Variants in AP1M1 observed in about 807,000 individuals in gnomAD.
AP1M1 encodes AP-1 complex subunit mu-1.
In AP1M1, 18 loss-of-function variants were observed where a neutral mutation model predicts 57.1. The ratio of observed to expected loss-of-function variants is 0.32; its 90% CI spans 0.22 to 0.47. The LOEUF is 0.47. AP1M1 is among the 20% of genes least tolerant of loss of function. The pLI, the probability that AP1M1 is intolerant of heterozygous loss-of-function variation, is 1.00. For missense variants in AP1M1, 362 were observed against 593.5 expected, an observed-to-expected ratio of 0.61 and a Z score of 4.05; for synonymous variants, 241 against 237.9, an observed-to-expected ratio of 1.01 and a Z score of -0.12.
chr19:16,220,000 T>C (rs1013601876), intron 5 of AP1M1, among the ~76,000 whole-genome samples: 1 of 152,222 alleles, frequency 6.6e-6, no homozygotes, highest in African/African-American at 2.4e-5. Context: ...TCATAAGAGA[T>C]ACTGGTTTGT....
chr19:16,201,829 AG>A (rs2091449069), intron 1 of AP1M1, among the ~76,000 whole-genome samples: 1 of 152,220 alleles, frequency 6.6e-6, no homozygotes, highest in African/African-American at 2.4e-5. Flanking sequence ...AGGCTGGAGC[AG>A]AGTGAACCAG....
Position 16,239,194 on chromosome 19 carries a change from A to G in AP1M1, c.*4759A>G, listed in dbSNP as rs1391150359. On this transcript the variant is annotated 3_prime_UTR_variant, in exon 12 of 12. Coordinates refer to ENST00000291439, the MANE Select transcript of AP1M1 (RefSeq NM_032493.4). Reference sequence around the variant, plus strand: ...GTGATCCGCCCCCCTCACCTTCCCAAAGTGCTGGGATTACAGGCATGAGCC... The same window carrying G: ...GTGATCCGCCCCCCTCACCTTCCCAGAGTGCTGGGATTACAGGCATGAGCC... 7.1e-6 allele frequency: 1 copy of G among 140,284 alleles called. No individual in the cohort carries two copies. The highest frequency in any genetic ancestry group is 1.5e-5 in the Non-Finnish European group (1 of 66,214). 8.7% of individuals were successfully genotyped at this position (140,284 alleles called of 1,614,324 possible).
chr19:16,234,003 C>A, intron 10 of AP1M1, 196 bp from the exon 11 acceptor site: 1 of 605,746 alleles, frequency 1.7e-6, no homozygotes, highest in East Asian at 2.9e-5. Context: ...TGGCTGCTCA[C>A]CACTTCCAGA....
chr19:16,210,114 G>A (rs541601645), intron 5 of AP1M1, among the ~76,000 whole-genome samples: 36 of 152,246 alleles, frequency 2.4e-4, no homozygotes, highest in South Asian at 1.7e-3. Context: ...TATGAATGGC[G>A]TCATACAGTC....
chr19:16,201,785 A>C (rs2091448709), intron 1 of AP1M1, among the ~76,000 whole-genome samples: 1 of 152,192 alleles, frequency 6.6e-6, no homozygotes, highest in South Asian at 2.1e-4. Context: ...AGGTGGGAAC[A>C]GATGTGGATC....
chr19:16,202,122 G>C (rs529584939), intron 1 of AP1M1, among the ~76,000 whole-genome samples: 1 of 152,298 alleles, frequency 6.6e-6, no homozygotes, highest in Admixed American at 6.5e-5. Context: ...CACAGGCCAC[G>C]AAGCAGACAC....
chr19:16,220,968 T>G (rs1025549094), intron 5 of AP1M1, among the ~76,000 whole-genome samples: 2 of 152,258 alleles, frequency 1.3e-5, no homozygotes, highest in African/African-American at 4.8e-5. Context: ...TTTCCAGATT[T>G]TTCTTTGCCT....
In AP1M1 at chr19:16,236,297, A is replaced by G. The variant is rs986454572; in HGVS notation, c.*1862A>G. 3 of 152,316 alleles carry G rather than the reference A, an allele frequency of 2.0e-5. No individual in the cohort carries two copies. The highest frequency in any genetic ancestry group is 2.9e-5 in the Non-Finnish European group (2 of 68,110). 9.4% of individuals were successfully genotyped at this position (152,316 alleles called of 1,614,324 possible). A position where few individuals can be genotyped will look rare whatever the true frequency, so the allele number is the denominator to read the frequency against. ...AGAAGAGAGACTTCAGTTTCCAGCAACTTATCAGATAAGACCTGCAAACCC... is the reference window on the plus strand; with the variant it reads ...AGAAGAGAGACTTCAGTTTCCAGCAGCTTATCAGATAAGACCTGCAAACCC... On this transcript the variant is annotated 3_prime_UTR_variant, in exon 12 of 12. Transcript: ENST00000291439.
rs956392040 is a variant in AP1M1 at position 16,240,155 on chromosome 19, T to G, written c.*5720T>G. ...TAGGATATATGCAAATATTGTGCCA[T>G]TTTATATAAAAGACTTGAGCATCCT... On this transcript the variant is annotated 3_prime_UTR_variant, in exon 12 of 12. Transcript: ENST00000291439. 6.6e-6 allele frequency: 1 copy of G among 152,132 alleles called. No homozygotes were observed. The highest frequency in any genetic ancestry group is 1.5e-5 in the Non-Finnish European group (1 of 68,048). 9.4% of individuals were successfully genotyped at this position (152,132 alleles called of 1,614,324 possible). A position where few individuals can be genotyped will look rare whatever the true frequency, so the allele number is the denominator to read the frequency against.
rs1568351061 is a variant in AP1M1, at chr19:16,215,211, GA to G, written c.546+6035del. ...GGCTAAGGCGGGGGCGGGGGGGGGG[GA>G]GAGGGGGGAGGGGGGAGGGGAGGGG... On this transcript the variant is annotated intron_variant, in intron 5 of 11. Coordinates refer to ENST00000291439, the MANE Select transcript of AP1M1 (RefSeq NM_032493.4). Among the ~76,000 whole-genome samples the G allele has an allele frequency of 6.9e-3, 128 of 18,618 alleles. 1 individual carries two copies. Among genetic ancestry groups the G allele is most frequent in the Middle Eastern group, 0.029 (1 of 34 alleles). The allele number at this position is 18,618 out of a possible 152,430, so 12.2% of individuals were successfully genotyped here. A position where few individuals can be genotyped will look rare whatever the true frequency, so the allele number is the denominator to read the frequency against.
In AP1M1 at chr19:16,236,592, A is replaced by G. The variant is rs1490133034; in HGVS notation, c.*2157A>G. On this transcript the variant is annotated 3_prime_UTR_variant, in exon 12 of 12. Transcript: ENST00000291439. ...ATCCTCGAGGGTCATGATACTTAAC[A>G]GTAAAAAGATGGACTAGAAAAAACA... is the stretch of plus-strand genomic sequence containing the variant. 3 of 152,202 alleles carry G rather than the reference A, an allele frequency of 2.0e-5. No individual in the cohort carries two copies. The highest frequency in any genetic ancestry group is 7.2e-5 in the African/African-American group (3 of 41,438). 9.4% of individuals were successfully genotyped at this position (152,202 alleles called of 1,614,324 possible).
At chr19:16,215,212 AGAGG>A (rs2091513826) in intron 5 of AP1M1, among the ~76,000 whole-genome samples, 1 of 2,104 alleles carries the variant, frequency 4.8e-4, no homozygotes, top group Non-Finnish European at 1.5e-3. Flanking sequence ...GGGGGGGGGG[AGAGG>A]GGGGAGGGGG....
chr19:16,242,470 T>A lies in AP1M1; in HGVS notation c.*8035T>A, dbSNP rs1311028200. On this transcript the variant is annotated 3_prime_UTR_variant, in exon 12 of 12. Coordinates refer to ENST00000291439, the MANE Select transcript of AP1M1 (RefSeq NM_032493.4). Reference sequence around the variant, plus strand: ...CATAAAATAAGATTGTAGAAATAAATCCAGATATTAGGAACCACAACAGGT... The same window carrying A: ...CATAAAATAAGATTGTAGAAATAAAACCAGATATTAGGAACCACAACAGGT... 2 of 152,140 alleles carry A rather than the reference T, an allele frequency of 1.3e-5. No homozygotes were observed. Among genetic ancestry groups the A allele is most frequent in the East Asian group, 3.8e-4 (2 of 5,206 alleles). The allele number at this position is 152,140 out of a possible 1,614,324, so 9.4% of individuals were successfully genotyped here.
At chr19:16,205,046 G>A (rs1266420698) in intron 2 of AP1M1, among the ~76,000 whole-genome samples, 1 of 152,002 alleles carries the variant, frequency 6.6e-6, no homozygotes, top group East Asian at 1.9e-4. Context: ...TGTTAGCCAG[G>A]ATGGTCTCGA....
intron 5 of AP1M1, among the ~76,000 whole-genome samples, chr19:16,222,573 A>T (rs536547222): frequency 8.8e-5 from 13 of 146,916 alleles, no homozygotes; most frequent in East Asian, 8.1e-4. Flanking sequence ...ATTTTTAAAA[A>T]TTTTCCATTT....
intron 9 of AP1M1, among the ~76,000 whole-genome samples, chr19:16,229,785 C>T (rs186405245): frequency 5.3e-5 from 8 of 152,216 alleles, no homozygotes; most frequent in African/African-American, 1.7e-4. Flanking sequence ...AGCCTTTCCG[C>T]GTGTCTCCTC....
intron 5 of AP1M1, among the ~76,000 whole-genome samples, chr19:16,213,497 CT>C (rs1039306845): frequency 1.5e-4 from 22 of 149,004 alleles, no homozygotes; most frequent in Non-Finnish European, 2.4e-4. Context: ...TGAGATGGGT[CT>C]TTTTTTTTTC....
rs777074038 is a variant in AP1M1, at chr19:16,227,709, G to A, written c.816+19G>A. 7 of 1,609,716 alleles carry A rather than the reference G, an allele frequency of 4.3e-6. No homozygotes were observed. The South Asian group carries it at 4.4e-5, about 10-fold the overall frequency. The stretch of plus-strand genomic sequence containing the variant: ...CACCCACGTGAGTGCGCCACCCTGG[G>A]GCTGGGCTGTCGGCAGACTCCTCCT... On this transcript the variant is annotated intron_variant, in intron 7 of 11. Transcript: ENST00000291439. This position sits in a 1 kb window ranked among gnomAD's most constrained non-coding sequence, Gnocchi z 6.2.
At chr19:16,223,613 A>G (rs1371106757) in intron 5 of AP1M1, among the ~76,000 whole-genome samples, 1 of 152,128 alleles carries the variant, frequency 6.6e-6, no homozygotes, top group African/African-American at 2.4e-5. Context: ...TTTCCAGGAG[A>G]GTCAGGAGTT....
Sources: gnomAD v4.1 joint callset for allele counts (sites outside exome capture counted in the v4.1 genomes callset) on GRCh38, gnomAD v4.1.1 for gene constraint, Gnocchi (gnomAD v3.1) non-coding constraint, MANE v1.5 for transcripts, NCBI Gene and HGNC (gene_info 2026-07-23, HGNC 2026-07-21) for gene names.